Variants in SYNPO2 observed in about 807,000 individuals in gnomAD.
The protein encoded by SYNPO2 is synaptopodin 2, also known as synaptopodin-2.
In SYNPO2, 56 loss-of-function variants were observed where a neutral mutation model predicts 85.0. The ratio of observed to expected loss-of-function variants is 0.66; its 90% CI spans 0.53 to 0.82. The LOEUF (loss-of-function observed/expected upper bound fraction) is 0.82, where lower values mean the gene tolerates loss of function less well. SYNPO2 is among the 40% of genes least tolerant of loss of function. The pLI is 0.00. For missense variants in SYNPO2, 1,575 were observed against 1,534.2 expected, an observed-to-expected ratio of 1.03 and a Z score of -0.44; for synonymous variants, 602 against 591.1, an observed-to-expected ratio of 1.02 and a Z score of -0.27.
chr4:119,038,499 A>G, intron 4 of SYNPO2: 1 of 985,392 alleles, frequency 1.0e-6, no homozygotes, highest in Non-Finnish European at 1.2e-6. Flanking sequence ...AAAATAAAGC[A>G]TAATCAAACT....
intron 1 of SYNPO2, among the ~76,000 whole-genome samples, chr4:118,862,197 T>C (rs1330983053): frequency 6.6e-6 from 1 of 152,230 alleles, no homozygotes; most frequent in African/African-American, 2.4e-5. Context: ...TCCTGCAACT[T>C]TACCAAATTT....
chr4:118,855,420 G>C (rs1185280368), intron 1 of SYNPO2, among the ~76,000 whole-genome samples: 1 of 151,994 alleles, frequency 6.6e-6, no homozygotes, highest in Non-Finnish European at 1.5e-5. Context: ...TTTTAACTGA[G>C]ATATTAGTAT....
chr4:119,056,955 T>G (rs1207835252), intron 4 of SYNPO2, among the ~76,000 whole-genome samples: 1 of 152,218 alleles, frequency 6.6e-6, no homozygotes, highest in African/African-American at 2.4e-5. Flanking sequence ...TTTCTGAGGT[T>G]ATCAATAGGT....
intron 1 of SYNPO2, among the ~76,000 whole-genome samples, chr4:118,972,363 C>T (rs1216089961): frequency 6.6e-6 from 1 of 151,944 alleles, no homozygotes; most frequent in Non-Finnish European, 1.5e-5. Flanking sequence ...AGGATGGCTT[C>T]AGTCCAGGAG....
At chr4:119,020,027 T>C (rs1347874637) in intron 1 of SYNPO2, among the ~76,000 whole-genome samples, 1 of 152,170 alleles carries the variant, frequency 6.6e-6, no homozygotes, top group African/African-American at 2.4e-5. Context: ...TACACACTTA[T>C]ACAATTATAA....
At chr4:118,856,994 T>C (rs529906015) in intron 1 of SYNPO2, among the ~76,000 whole-genome samples, 22 of 152,136 alleles carry the variant, frequency 1.4e-4, no homozygotes, top group Non-Finnish European at 2.9e-4. Context: ...TTCATAAATG[T>C]ATTCTTTATA....
At chr4:118,989,681 A>G (rs970712397) in intron 1 of SYNPO2, among the ~76,000 whole-genome samples, 24 of 152,260 alleles carry the variant, frequency 1.6e-4, no homozygotes, top group African/African-American at 5.5e-4. Context: ...TCATCATGAT[A>G]GAAATATCCT....
At chr4:119,041,711 G>A (rs1039344092) in intron 4 of SYNPO2, among the ~76,000 whole-genome samples, 1 of 152,126 alleles carries the variant, frequency 6.6e-6, no homozygotes, top group Non-Finnish European at 1.5e-5. Flanking sequence ...TACATTGAAT[G>A]AACTAATATG....
At chr4:118,885,630 G>T (rs768418014), upstream of SYNPO2, among the ~76,000 whole-genome samples, 3 of 151,968 alleles carry the variant, frequency 2.0e-5, no homozygotes, top group Non-Finnish European at 4.4e-5. Context: ...GCACCACCAC[G>T]CCCAGCTAAT....
chr4:119,057,135 C>T (rs535626109), intron 4 of SYNPO2, among the ~76,000 whole-genome samples: 8 of 152,186 alleles, frequency 5.3e-5, no homozygotes, highest in Non-Finnish European at 7.4e-5. Flanking sequence ...TGGGGCTATG[C>T]GTTCACAGAT....
intron 1 of SYNPO2, among the ~76,000 whole-genome samples, chr4:118,880,184 A>G (rs962996059): frequency 6.6e-6 from 1 of 152,220 alleles, no homozygotes; most frequent in Non-Finnish European, 1.5e-5. Context: ...GAAAATCTGA[A>G]GGACCAACAA....
In SYNPO2 at chr4:119,057,953, A is replaced by T; in HGVS notation, c.*19A>T. ...AACATGAAAGTTAGAAGAACGGATC[A>T]TGTGCCAACTGTAGTTTTTTAAAAA... On this transcript the variant is annotated 3_prime_UTR_variant, in exon 5 of 5. Coordinates refer to ENST00000307142, the MANE Select transcript of SYNPO2 (RefSeq NM_133477.3). The T allele has an allele frequency of 1.9e-6, 3 of 1,589,064 alleles. No homozygotes were observed. The highest frequency in any genetic ancestry group is 4.5e-5 in the East Asian group (2 of 44,626).
intron 3 of SYNPO2, among the ~76,000 whole-genome samples, chr4:119,027,640 A>G (rs1160029953): frequency 1.3e-5 from 2 of 152,250 alleles, no homozygotes; most frequent in African/African-American, 4.8e-5. Context: ...CGAACTTCAT[A>G]TAGATTTAAA....
At position 119,025,704 on chromosome 4, in the gene SYNPO2, TA is replaced by T. The variant is rs148171546; in HGVS notation, c.258-915del. ...AAGATAATTATGCTGCTTCCAAAATTAAAAAAAATACAAATATAAAAAATGA... is the reference window on the plus strand; with the variant it reads ...AAGATAATTATGCTGCTTCCAAAATTAAAAAAATACAAATATAAAAAATGA... On this transcript the variant is annotated intron_variant, in intron 2 of 4. Transcript: ENST00000307142. 2.5e-3 allele frequency among the ~76,000 whole-genome samples: 375 copies of T among 152,070 alleles called. 19 individuals carry two copies. The East Asian group carries it at 0.066, about 27-fold the overall frequency.
intron 1 of SYNPO2, among the ~76,000 whole-genome samples, chr4:118,871,838 G>T (rs942251309): frequency 6.6e-6 from 1 of 152,166 alleles, no homozygotes; most frequent in African/African-American, 2.4e-5. Flanking sequence ...CAAAGTGCTG[G>T]GATTACAGGC....
chr4:118,927,735 G>GATAGATAGATGATAGATAGATAT (rs1578557764), intron 1 of SYNPO2, among the ~76,000 whole-genome samples: 5 of 55,006 alleles, frequency 9.1e-5, no homozygotes, highest in Non-Finnish European at 2.0e-4. Flanking sequence ...TAGATAGATA[G>GATAGATAGATGATAGATAGATAT]ATAGATAGAT....
chr4:119,025,408 A>G (rs773162783), intron 2 of SYNPO2, among the ~76,000 whole-genome samples: 9 of 152,220 alleles, frequency 5.9e-5, no homozygotes, highest in Non-Finnish European at 1.2e-4. Flanking sequence ...TAAATACTGT[A>G]TTACAGGGAA....
intron 1 of SYNPO2, among the ~76,000 whole-genome samples, chr4:118,865,455 T>G (rs916378769): frequency 6.6e-6 from 1 of 152,224 alleles, no homozygotes; most frequent in Non-Finnish European, 1.5e-5. Flanking sequence ...CATTAAAATC[T>G]TGTGGAGCAT....
At chr4:118,993,664 A>G (rs1181761588) in intron 1 of SYNPO2, among the ~76,000 whole-genome samples, 1 of 152,168 alleles carries the variant, frequency 6.6e-6, no homozygotes, top group Non-Finnish European at 1.5e-5. Context: ...CCCCTATATG[A>G]CCTACAGCTT....
Sources: gnomAD v4.1 joint callset for allele counts (sites outside exome capture counted in the v4.1 genomes callset) on GRCh38, gnomAD v4.1.1 for gene constraint, MANE v1.5 for transcripts, NCBI Gene and HGNC (gene_info 2026-07-23, HGNC 2026-07-21) for gene names.